STK39: variants seen among roughly 807,000 people sequenced by gnomAD.
The protein encoded by STK39 is serine/threonine kinase 39, also known as STE20/SPS1-related proline-alanine-rich protein kinase.
A neutral mutation model predicts 77.8 loss-of-function variants in STK39; 20 were observed. The ratio of observed to expected loss-of-function variants is 0.26; its 90% CI spans 0.18 to 0.37. The LOEUF (loss-of-function observed/expected upper bound fraction) is 0.37. Among genes scored for constraint, STK39 ranks in the 10% least tolerant of loss-of-function variants. The probability of loss-of-function intolerance (pLI) is 1.00; values close to 1 mark genes in which losing one functional copy is unlikely to be tolerated. For synonymous variants in STK39, 246 were observed against 234.1 expected (o/e 1.05, Z -0.47); for missense variants, 479 against 656.5 (o/e 0.73, Z 2.95).
chr2:168,237,576 T>C (rs1574583805), intron 1 of STK39, among the ~76,000 whole-genome samples: 3 of 152,210 alleles, frequency 2.0e-5, no homozygotes, highest in African/African-American at 4.8e-5. Context: ...ATATTGGCTG[T>C]GGGTCTGTCA....
rs145345230 is a variant in STK39 at position 168,098,020 on chromosome 2, A to G, written c.1090-22789T>C. Among the ~76,000 whole-genome samples the G allele has an allele frequency of 8.5e-5, 13 of 152,358 alleles. No homozygotes were observed. The East Asian group carries it at 2.5e-3, about 29-fold the overall frequency. On this transcript the variant is annotated intron_variant, in intron 10 of 17. Transcript: ENST00000355999. ...TCTAGAAGCCTCATAGCAAACGAAC[A>G]CTAACCCTTTCTTAGAAATCATATG...
intron 14 of STK39, among the ~76,000 whole-genome samples, chr2:168,054,834 A>G (rs1252499426): frequency 2.0e-5 from 3 of 152,146 alleles, no homozygotes; most frequent in Non-Finnish European, 4.4e-5. Flanking sequence ...TATGGGAACA[A>G]GCACACCAAA....
At chr2:168,001,826 G>A (rs930090132) in intron 16 of STK39, among the ~76,000 whole-genome samples, 3 of 152,166 alleles carry the variant, frequency 2.0e-5, no homozygotes, top group Non-Finnish European at 4.4e-5. Context: ...TTCAACAAAA[G>A]AGCCATTTAA....
intron 16 of STK39, among the ~76,000 whole-genome samples, chr2:167,976,272 G>GA (rs1559040970): frequency 1.3e-5 from 2 of 152,174 alleles, no homozygotes; most frequent in Admixed American, 6.5e-5. Context: ...ACAGTAGTTA[G>GA]AAAAAATTCT....
intron 16 of STK39, among the ~76,000 whole-genome samples, chr2:167,972,374 T>C (rs555221041): frequency 1.4e-4 from 22 of 152,318 alleles, no homozygotes; most frequent in African/African-American, 4.8e-4. Flanking sequence ...TATCTTAGGA[T>C]AAAACGTGTG....
rs537586784 is a variant in STK39, at chr2:168,203,675, C to T, written c.209-21585G>A. Among the ~76,000 whole-genome samples the T allele has an allele frequency of 3.3e-5, 5 of 152,362 alleles. No individual in the cohort carries two copies. The South Asian group carries it at 8.3e-4, about 25-fold the overall frequency. ...TGGTACAATCTCGGCTCTCTGCAAC[C>T]TCCGCCTCCTGGGTTCAAGCAATTC... On this transcript the variant is annotated intron_variant, in intron 1 of 17. Transcript: ENST00000355999.
At chr2:168,209,749 A>G (rs557050079) in intron 1 of STK39, among the ~76,000 whole-genome samples, 50 of 152,202 alleles carry the variant, frequency 3.3e-4, no homozygotes, top group Non-Finnish European at 6.3e-4. Flanking sequence ...CTGTAATCCC[A>G]ACAGTTTGGG....
chr2:168,176,395 A>T (rs963641554), intron 2 of STK39, among the ~76,000 whole-genome samples: 3 of 152,206 alleles, frequency 2.0e-5, no homozygotes, highest in African/African-American at 7.2e-5. Context: ...AAAAAGGATG[A>T]GAGCAACCTG....
At chr2:168,185,343 CT>C (rs557637674) in intron 1 of STK39, among the ~76,000 whole-genome samples, 201 of 152,316 alleles carry the variant, frequency 1.3e-3, no homozygotes, top group Non-Finnish European at 2.1e-3. Context: ...TCAGTTCACT[CT>C]TTTAAGTCAC....
At chr2:168,203,930 C>T (rs1035137321) in intron 1 of STK39, among the ~76,000 whole-genome samples, 8 of 152,074 alleles carry the variant, frequency 5.3e-5, no homozygotes, top group African/African-American at 7.2e-5. Flanking sequence ...ATGGTGTTGA[C>T]GTGATACTGA....
chr2:168,073,914 G>C (rs542623538), intron 12 of STK39, among the ~76,000 whole-genome samples: 1 of 152,214 alleles, frequency 6.6e-6, no homozygotes, highest in African/African-American at 2.4e-5. Context: ...CACCGCACCT[G>C]GCCAAAGTTT....
chr2:168,214,464 G>A (rs565298797), intron 1 of STK39, among the ~76,000 whole-genome samples: 37 of 152,182 alleles, frequency 2.4e-4, no homozygotes, highest in African/African-American at 8.7e-4. Context: ...TCCAGAACAG[G>A]TGGTCGCCAG....
intron 5 of STK39, among the ~76,000 whole-genome samples, chr2:168,150,735 T>TA (rs1397342181): frequency 6.6e-6 from 1 of 151,934 alleles, no homozygotes; most frequent in African/African-American, 2.4e-5. Context: ...ATCATATTAT[T>TA]AGAGTGATAA....
intron 2 of STK39, among the ~76,000 whole-genome samples, chr2:168,176,479 C>G (rs1480999325): frequency 6.6e-6 from 1 of 152,162 alleles, no homozygotes; most frequent in Admixed American, 6.5e-5. Context: ...GAGCTTTATT[C>G]TCCAATAACC....
intron 12 of STK39, among the ~76,000 whole-genome samples, chr2:168,068,862 G>A (rs936317628): frequency 2.6e-5 from 4 of 152,144 alleles, no homozygotes; most frequent in Non-Finnish European, 4.4e-5. Flanking sequence ...CTCCATATGG[G>A]TATAGAACAA....
In STK39 at chr2:168,140,767, G is replaced by T. The variant is rs149250512; in HGVS notation, c.629-9C>A. The T allele has an allele frequency of 6.6e-5, 103 of 1,549,118 alleles. No individual in the cohort carries two copies. Among genetic ancestry groups the T allele is most frequent in the Non-Finnish European group, 8.7e-5 (100 of 1,147,014 alleles). ...CGCACTTACCCCAAAATCTGAAAGG[G>T]AAAAAAAAATCACCTTTATTTTATG... On this transcript the variant is annotated splice_polypyrimidine_tract_variant and intron_variant, in intron 5 of 17. Coordinates refer to ENST00000355999, the MANE Select transcript of STK39 (RefSeq NM_013233.3).
At chr2:168,031,161 C>G (rs569160801) in intron 14 of STK39, among the ~76,000 whole-genome samples, 1 of 152,168 alleles carries the variant, frequency 6.6e-6, no homozygotes, top group African/African-American at 2.4e-5. Flanking sequence ...GAGAGCAGAG[C>G]TTGGAAAGCC....
intron 1 of STK39, among the ~76,000 whole-genome samples, chr2:168,231,617 T>C (rs1362312277): frequency 6.6e-6 from 1 of 151,886 alleles, no homozygotes; most frequent in Non-Finnish European, 1.5e-5. Context: ...TTTTAGAAGA[T>C]CTTGGTTGAG....
chr2:168,124,064 C>T (rs1687478906), intron 10 of STK39, among the ~76,000 whole-genome samples: 1 of 152,102 alleles, frequency 6.6e-6, no homozygotes, highest in African/African-American at 2.4e-5. Context: ...CTGGGACCCA[C>T]AAATAACATC....
Sources: allele counts gnomAD v4.1 joint callset (sites outside exome capture counted in the v4.1 genomes callset), GRCh38; gene constraint gnomAD v4.1.1; transcripts MANE v1.5; gene names NCBI Gene and HGNC (gene_info 2026-07-23, HGNC 2026-07-21).